The following RAP1GAP2 variants were observed in gnomAD, a reference collection of about 807,000 sequenced individuals.
The protein encoded by RAP1GAP2 is RAP1 GTPase activating protein 2.
A neutral mutation model predicts 95.0 loss-of-function variants in RAP1GAP2; 27 were observed. The observed-to-expected ratio is 0.28, with a 90% CI of 0.21 to 0.39. RAP1GAP2 has a LOEUF of 0.39. RAP1GAP2 is among the 10% of genes least tolerant of loss of function. The pLI is 1.00. For missense variants in RAP1GAP2, 771 were observed against 970.0 expected (o/e 0.79, Z 2.72); for synonymous variants, 373 against 380.9 (o/e 0.98, Z 0.24).
chr17:2,796,482 A>T lies in RAP1GAP2; in HGVS notation c.-46A>T. On this transcript the variant is annotated 5_prime_UTR_variant, in exon 1 of 25. Coordinates refer to ENST00000254695, the MANE Select transcript of RAP1GAP2 (RefSeq NM_015085.5). The surrounding 1 kb of genome is among the most constrained non-coding windows in gnomAD (Gnocchi z 4.7). ...GGCCCTCTTGCGGACAGCCCCGGGG[A>T]CGTCGTTGGGACATCGCTGGGACCC... 6.4e-7 allele frequency: 1 copy of T among 1,550,478 alleles called. No homozygotes were observed. Among genetic ancestry groups the T allele is most frequent in the South Asian group, 1.2e-5 (1 of 84,072 alleles).
chr17:2,826,330 G>T (rs181961083), intron 2 of RAP1GAP2, among the ~76,000 whole-genome samples: 2 of 151,920 alleles, frequency 1.3e-5, no homozygotes, highest in Non-Finnish European at 2.9e-5. Context: ...AACAGTAAGG[G>T]CAAAGGCTGC....
chr17:2,777,465 C>T (rs769118590), intron 1 of RAP1GAP2, among the ~76,000 whole-genome samples: 11 of 152,078 alleles, frequency 7.2e-5, no homozygotes, highest in Admixed American at 1.3e-4. Flanking sequence ...GAGCGGGGCC[C>T]GATTTCAGCC....
Position 3,026,432 on chromosome 17 carries a change from G to T in RAP1GAP2, c.1948G>T (p.Glu650Ter). ...STSSVSSTAG[E>*]GEAMEEGDSG... Reference sequence around the variant, plus strand: ...CAGCAGCGTCAGCAGCACTGCAGGGGAGGGCGAGGCCATGGAGGAGGGCGA... The same window carrying T: ...CAGCAGCGTCAGCAGCACTGCAGGGTAGGGCGAGGCCATGGAGGAGGGCGA... Residue 650 changes from glutamate (E) to a stop codon, truncating the protein, a stop_gained, in exon 21 of 25, where the codon GAG (glutamate) becomes TAG (stop). Transcript: ENST00000254695. LOFTEE classifies it high-confidence loss of function. 6.4e-7 allele frequency: 1 copy of T among 1,552,462 alleles called. No individual in the cohort carries two copies. Among genetic ancestry groups the T allele is most frequent in the Non-Finnish European group, 8.7e-7 (1 of 1,147,616 alleles).
chr17:2,960,529 G>A (rs2044277504), intron 4 of RAP1GAP2, among the ~76,000 whole-genome samples: 1 of 152,248 alleles, frequency 6.6e-6, no homozygotes, highest in Non-Finnish European at 1.5e-5. Flanking sequence ...AATCCACCCA[G>A]TTAACAGGAG....
intron 11 of RAP1GAP2, among the ~76,000 whole-genome samples, chr17:2,990,436 A>G (rs538609313): frequency 6.6e-6 from 1 of 151,836 alleles, no homozygotes; most frequent in Non-Finnish European, 1.5e-5. Flanking sequence ...TGAAGTTGCC[A>G]GATCATATGG....
chr17:2,785,181 G>T (rs1347359516), intron 1 of RAP1GAP2, among the ~76,000 whole-genome samples: 2 of 152,192 alleles, frequency 1.3e-5, no homozygotes, highest in African/African-American at 4.8e-5. Context: ...CACGAGCCCA[G>T]CCTGGCAGTG....
In RAP1GAP2 at chr17:2,825,630, A is replaced by C. The variant is rs2070514416; in HGVS notation, c.80+25080A>C. Among the ~76,000 whole-genome samples, 1 of 152,106 alleles carries C rather than the reference A, an allele frequency of 6.6e-6. No individual in the cohort carries two copies. The highest frequency in any genetic ancestry group is 2.4e-5 in the African/African-American group (1 of 41,448). On this transcript the variant is annotated intron_variant, in intron 2 of 24. Coordinates refer to ENST00000254695, the MANE Select transcript of RAP1GAP2 (RefSeq NM_015085.5). This position sits in a 1 kb window ranked among gnomAD's most constrained non-coding sequence, Gnocchi z 4.1. ...TTTTCCCATCCGGAAAGTGAAGATAAGGAGCGTCCCTGTCTCACAGGGATG... is the reference window on the plus strand; with the variant it reads ...TTTTCCCATCCGGAAAGTGAAGATACGGAGCGTCCCTGTCTCACAGGGATG...
At chr17:2,962,048 A>G (rs775086560) in intron 4 of RAP1GAP2, among the ~76,000 whole-genome samples, 3 of 152,014 alleles carry the variant, frequency 2.0e-5, no homozygotes, top group Non-Finnish European at 2.9e-5. Context: ...GATTACAGGC[A>G]TGCGCCACCA....
At chr17:2,789,772 A>G (rs141675636) in intron 1 of RAP1GAP2, among the ~76,000 whole-genome samples, 1,299 of 114,956 alleles carry the variant, frequency 0.011, 19 homozygotes, top group African/African-American at 0.041. Flanking sequence ...ACAGAGTGAG[A>G]CTCCATCTGA....
At chr17:2,799,056 T>G (rs983707688) in intron 1 of RAP1GAP2, among the ~76,000 whole-genome samples, 1 of 152,206 alleles carries the variant, frequency 6.6e-6, no homozygotes, top group Non-Finnish European at 1.5e-5. Context: ...ACAGGGCTGT[T>G]GTAAGAATTA....
chr17:2,868,262 C>A (rs942280286), intron 2 of RAP1GAP2, among the ~76,000 whole-genome samples: 4 of 152,154 alleles, frequency 2.6e-5, no homozygotes, highest in Non-Finnish European at 5.9e-5. Flanking sequence ...CTATCCATCC[C>A]CCTGGTGGAG....
intron 3 of RAP1GAP2, among the ~76,000 whole-genome samples, chr17:2,910,858 C>T (rs964404367): frequency 3.9e-5 from 6 of 152,144 alleles, no homozygotes; most frequent in East Asian, 3.9e-4. Flanking sequence ...ACCACCACAC[C>T]CCGCTAATTT....
At chr17:2,948,383 G>A (rs1415544345) in intron 3 of RAP1GAP2, among the ~76,000 whole-genome samples, 2 of 152,238 alleles carry the variant, frequency 1.3e-5, no homozygotes, top group African/African-American at 2.4e-5. Context: ...CTTCTCCAGC[G>A]AGGGTCAGAG....
At chr17:2,849,148 C>T (rs992053662) in intron 2 of RAP1GAP2, among the ~76,000 whole-genome samples, 26 of 152,276 alleles carry the variant, frequency 1.7e-4, no homozygotes, top group African/African-American at 5.5e-4. Context: ...ATAACCCTTG[C>T]GTTGTCCCAA....
At chr17:2,788,338 C>T (rs988548765) in intron 1 of RAP1GAP2, among the ~76,000 whole-genome samples, 7 of 152,134 alleles carry the variant, frequency 4.6e-5, no homozygotes, top group Admixed American at 4.6e-4. Flanking sequence ...CTCTGTTGCC[C>T]AGGCAGGAGT....
At chr17:2,952,408 G>C (rs905934592) in intron 3 of RAP1GAP2, among the ~76,000 whole-genome samples, 1 of 152,164 alleles carries the variant, frequency 6.6e-6, no homozygotes, top group Non-Finnish European at 1.5e-5. Context: ...ACAGTGCTGG[G>C]ACAAACATCC....
chr17:2,950,701 C>T (rs2043892478), intron 3 of RAP1GAP2, among the ~76,000 whole-genome samples: 1 of 149,440 alleles, frequency 6.7e-6, no homozygotes, highest in South Asian at 2.1e-4. Flanking sequence ...ACCTCTGCCT[C>T]CAAGGCTCAA....
intron 17 of RAP1GAP2, among the ~76,000 whole-genome samples, chr17:3,016,997 C>A (rs2046790189): frequency 6.6e-6 from 1 of 152,176 alleles, no homozygotes; most frequent in East Asian, 1.9e-4. Flanking sequence ...AGAGAACCTT[C>A]TCTTCCTAGA....
intron 2 of RAP1GAP2, among the ~76,000 whole-genome samples, chr17:2,829,378 C>T (rs888952888): frequency 6.6e-6 from 1 of 152,052 alleles, no homozygotes; most frequent in African/African-American, 2.4e-5. Context: ...CCCTTCCTTC[C>T]CGTGGCTTCA....
Sources: gnomAD v4.1 joint callset for allele counts (sites outside exome capture counted in the v4.1 genomes callset) on GRCh38, gnomAD v4.1.1 for gene constraint, Gnocchi (gnomAD v3.1) non-coding constraint, MANE v1.5 for transcripts, NCBI Gene and HGNC (gene_info 2026-07-23, HGNC 2026-07-21) for gene names.